Variants in MTUS2 observed in about 807,000 individuals in gnomAD.
MTUS2 encodes microtubule-associated tumor suppressor candidate 2.
A neutral mutation model predicts 114.1 loss-of-function variants in MTUS2; 40 were observed. That is an observed-to-expected ratio of 0.35 (90% CI 0.27 to 0.46). The LOEUF (loss-of-function observed/expected upper bound fraction) is 0.46. MTUS2 is among the 20% of genes least tolerant of loss of function. MTUS2 has a pLI of 1.00. For synonymous variants in MTUS2, 688 were observed against 672.0 expected, an observed-to-expected ratio of 1.02 and a Z score of -0.37; for missense variants, 1,679 against 1,705.4, an observed-to-expected ratio of 0.98 and a Z score of 0.27.
chr13:29,233,200 T>C (rs1017291656), intron 5 of MTUS2, among the ~76,000 whole-genome samples: 4 of 149,186 alleles, frequency 2.7e-5, no homozygotes, highest in Non-Finnish European at 5.9e-5. Flanking sequence ...CTTAGTGCTA[T>C]TTATTGAGGG....
intron 4 of MTUS2, among the ~76,000 whole-genome samples, chr13:29,034,556 A>C (rs767656718): frequency 2.0e-5 from 3 of 152,230 alleles, no homozygotes; most frequent in Non-Finnish European, 4.4e-5. Flanking sequence ...CATGGGCTGC[A>C]AGAGAGAAAG....
At chr13:29,467,298 G>C (rs1265531018) in intron 9 of MTUS2, among the ~76,000 whole-genome samples, 1 of 152,062 alleles carries the variant, frequency 6.6e-6, no homozygotes, top group East Asian at 1.9e-4. Flanking sequence ...TGGAGATGAT[G>C]GTACCTTACA....
intron 2 of MTUS2, among the ~76,000 whole-genome samples, chr13:28,918,219 T>C (rs1203010549): frequency 4.6e-5 from 7 of 151,958 alleles, no homozygotes; most frequent in African/African-American, 1.4e-4. Context: ...TTAAGTCAGA[T>C]GTTTCTTTGT....
chr13:28,946,302 T>TGCGC (rs1555276632), intron 2 of MTUS2, among the ~76,000 whole-genome samples: 1 of 108,812 alleles, frequency 9.2e-6, no homozygotes, highest in East Asian at 2.8e-4. Flanking sequence ...TGTGTGTGTG[T>TGCGC]GTGCGCGCGC....
At chr13:29,417,480 T>C (rs1433211193) in intron 8 of MTUS2, among the ~76,000 whole-genome samples, 2 of 152,240 alleles carry the variant, frequency 1.3e-5, no homozygotes, top group African/African-American at 4.8e-5. Flanking sequence ...GTTTTCCCTG[T>C]GACCTTTGGT....
chr13:28,959,588 C>T (rs866413462), intron 2 of MTUS2, among the ~76,000 whole-genome samples: 4 of 152,130 alleles, frequency 2.6e-5, no homozygotes, highest in Admixed American at 6.5e-5. Flanking sequence ...AGCTTCCACT[C>T]ATGGCAGAAG....
intron 9 of MTUS2, among the ~76,000 whole-genome samples, chr13:29,468,258 G>C (rs1462731471): frequency 6.6e-6 from 1 of 151,678 alleles, no homozygotes; most frequent in Non-Finnish European, 1.5e-5. Context: ...GCATATGGCA[G>C]AATAACAATA....
intron 5 of MTUS2, among the ~76,000 whole-genome samples, chr13:29,230,089 A>G (rs1896265598): frequency 2.0e-5 from 3 of 152,074 alleles, no homozygotes; most frequent in Non-Finnish European, 4.4e-5. Context: ...TACTAAAAAT[A>G]CAAAAAATTA....
chr13:29,487,078 C>T (rs1409790696), intron 10 of MTUS2, among the ~76,000 whole-genome samples: 8 of 152,194 alleles, frequency 5.3e-5, no homozygotes, highest in Non-Finnish European at 1.2e-4. Context: ...AACTGCTAGA[C>T]GTGTTCCTGC....
chr13:28,892,142 A>G (rs1482312023), intron 2 of MTUS2, among the ~76,000 whole-genome samples: 2 of 152,030 alleles, frequency 1.3e-5, no homozygotes, highest in African/African-American at 4.8e-5. Flanking sequence ...TTTTCACTCC[A>G]TATTCCTGGA....
At chr13:29,353,037 G>T (rs141849575) in intron 7 of MTUS2, among the ~76,000 whole-genome samples, 58 of 152,202 alleles carry the variant, frequency 3.8e-4, no homozygotes, top group African/African-American at 1.2e-3. Flanking sequence ...TGTTATCTGT[G>T]TCATTTTTTG....
At chr13:29,291,284 G>T (rs1285754055) in intron 6 of MTUS2, among the ~76,000 whole-genome samples, 3 of 152,180 alleles carry the variant, frequency 2.0e-5, no homozygotes, top group Non-Finnish European at 4.4e-5. Flanking sequence ...ACAGTGAGGG[G>T]CAGCCCCAGC....
chr13:28,913,318 A>G (rs1255731364), intron 2 of MTUS2, among the ~76,000 whole-genome samples: 1 of 152,176 alleles, frequency 6.6e-6, no homozygotes, highest in African/African-American at 2.4e-5. Flanking sequence ...AGTTTTTAAC[A>G]TGAGGGAATG....
At position 29,137,917 on chromosome 13, in the gene MTUS2, A is replaced by G. The variant is rs552062523; in HGVS notation, c.2644+36947A>G. Among the ~76,000 whole-genome samples the G allele has an allele frequency of 3.3e-5, 5 of 152,278 alleles. No individual in the cohort carries two copies. In the East Asian group the frequency reaches 9.6e-4, roughly 29 times the overall value. The stretch of plus-strand genomic sequence containing the variant: ...TGTCTACCTCCCAAAAGAGAAAAAA[A>G]TGAAAGAGGTTGAAAGAAAAAGGCA... On this transcript the variant is annotated intron_variant, in intron 5 of 15. Transcript: ENST00000612955.
At chr13:28,880,916 C>T (rs1001260191) in intron 2 of MTUS2, among the ~76,000 whole-genome samples, 1 of 152,118 alleles carries the variant, frequency 6.6e-6, no homozygotes, top group African/African-American at 2.4e-5. Flanking sequence ...TTTGATAGAA[C>T]TATGTATGTA....
intron 5 of MTUS2, among the ~76,000 whole-genome samples, chr13:29,157,722 G>A (rs117186949): frequency 0.011 from 1,609 of 152,158 alleles, 17 homozygotes; most frequent in South Asian, 0.037. Flanking sequence ...CAAAGCTAGC[G>A]CCAAGAATCT....
chr13:29,010,333 T>C (rs59155661), intron 2 of MTUS2, among the ~76,000 whole-genome samples: 75,777 of 152,034 alleles, frequency 0.5, 19,114 homozygotes, highest in South Asian at 0.72. Context: ...CTCTTGAGTT[T>C]TGCTCTTCTT....
At chr13:29,131,038 A>G (rs1304803702) in intron 5 of MTUS2, among the ~76,000 whole-genome samples, 2 of 152,218 alleles carry the variant, frequency 1.3e-5, no homozygotes, top group Non-Finnish European at 2.9e-5. Flanking sequence ...TCAGCTGTGT[A>G]TGGCACTCAG....
intron 2 of MTUS2, among the ~76,000 whole-genome samples, chr13:28,914,828 A>G (rs80081958): frequency 3.0e-4 from 46 of 151,972 alleles, no homozygotes; most frequent in Non-Finnish European, 5.2e-4. Flanking sequence ...ATCCTTTACC[A>G]TTATGTAATC....
Sources: gnomAD v4.1 joint callset for allele counts (sites outside exome capture counted in the v4.1 genomes callset) on GRCh38, gnomAD v4.1.1 for gene constraint, MANE v1.5 for transcripts, NCBI Gene and HGNC (gene_info 2026-07-23, HGNC 2026-07-21) for gene names.